Variants in PTAR1 observed in about 807,000 individuals in gnomAD.
PTAR1 encodes the protein protein prenyltransferase alpha subunit repeat-containing protein 1.
Under a neutral mutation model 45.5 loss-of-function variants are expected in PTAR1, and 17 were observed. The ratio of observed to expected loss-of-function variants is 0.37; its 90% confidence interval spans 0.26 to 0.56. The LOEUF (loss-of-function observed/expected upper bound fraction) is 0.56, where lower values mean the gene tolerates loss of function less well. PTAR1 is among the 20% of genes least tolerant of loss of function. The pLI is 0.77. For missense variants in PTAR1, 391 were observed against 476.3 expected (o/e 0.82, Z 1.67); for synonymous variants, 169 against 171.3 (o/e 0.99, Z 0.11).
rs142092318 is a variant in PTAR1, at chr9:69,746,671, A to G, written c.256+4110T>C. Among the ~76,000 whole-genome samples the G allele has an allele frequency of 3.5e-3, 535 of 152,328 alleles. 3 individuals carry two copies. The highest frequency in any genetic ancestry group is 0.012 in the African/African-American group (506 of 41,560). ...GTTCCTTTGTTACACACACTACAAT[A>G]TATGACTAACCCATCATCACGCCAC... On this transcript the variant is annotated intron_variant, in intron 2 of 7. Coordinates refer to ENST00000340434, the MANE Select transcript of PTAR1 (RefSeq NM_001099666.2).
chr9:69,720,172 C>A (rs1824927800), intron 6 of PTAR1, among the ~76,000 whole-genome samples: 1 of 152,188 alleles, frequency 6.6e-6, no homozygotes, highest in Non-Finnish European at 1.5e-5. Flanking sequence ...GAAAGCTAGG[C>A]CTCTTGTGCC....
chr9:69,720,419 AAG>A (rs1400319200), intron 6 of PTAR1, among the ~76,000 whole-genome samples: 2 of 152,202 alleles, frequency 1.3e-5, no homozygotes, highest in Non-Finnish European at 2.9e-5. Flanking sequence ...GTTGGAGAAA[AAG>A]AGTTTGGAGT....
intron 4 of PTAR1, 77 bp from the exon 5 acceptor site, chr9:69,732,429 C>T: frequency 9.5e-7 from 1 of 1,049,042 alleles, no homozygotes; most frequent in Non-Finnish European, 1.4e-6. Context: ...TTTCATTGTT[C>T]CTAATTTAAT....
chr9:69,750,683 C>T, intron 2 of PTAR1, 98 bp downstream of exon 2: 1 of 874,010 alleles, frequency 1.1e-6, no homozygotes, highest in Non-Finnish European at 1.7e-6. Flanking sequence ...AGAAGCAGAA[C>T]TAGAATCCAG....
At position 69,712,097 on chromosome 9, in the gene PTAR1, T is replaced by C. The variant is rs1824546642; in HGVS notation, c.*6245A>G. 1 of 152,158 alleles carries C rather than the reference T, an allele frequency of 6.6e-6. No individual in the cohort carries two copies. The highest frequency in any genetic ancestry group is 1.5e-5 in the Non-Finnish European group (1 of 68,018). The allele number at this position is 152,158 out of a possible 1,614,324, so 9.4% of individuals were successfully genotyped here. A position where few individuals can be genotyped will look rare whatever the true frequency, so the allele number is the denominator to read the frequency against. On this transcript the variant is annotated 3_prime_UTR_variant, in exon 8 of 8. Transcript: ENST00000340434. Reference sequence around the variant, plus strand: ...TTGAATCAATATCTGCCATATGAAATTATATGACAAGTAAACCTCAAATTT... The same window carrying C: ...TTGAATCAATATCTGCCATATGAAACTATATGACAAGTAAACCTCAAATTT...
rs181398519 is a variant in PTAR1, at chr9:69,749,808, C to A, written c.256+973G>T. ...AAAGAGATTATCACTCAACTGTAAG[C>A]TTCCTGAATAAAGGGACCATGTATT... On this transcript the variant is annotated intron_variant, in intron 2 of 7. Transcript: ENST00000340434. Among the ~76,000 whole-genome samples the A allele has an allele frequency of 8.4e-4, 128 of 152,212 alleles. 1 individual carries two copies. Among genetic ancestry groups the A allele is most frequent in the Middle Eastern group, 3.4e-3 (1 of 294 alleles).
intron 6 of PTAR1, among the ~76,000 whole-genome samples, chr9:69,721,193 C>T (rs540295999): frequency 6.6e-6 from 1 of 152,080 alleles, no homozygotes; most frequent in Non-Finnish European, 1.5e-5. Context: ...AAAATATCAA[C>T]ATGAACAAAA....
intron 2 of PTAR1, among the ~76,000 whole-genome samples, chr9:69,742,707 A>G (rs17084993): frequency 0.016 from 2,509 of 152,198 alleles, 70 homozygotes; most frequent in African/African-American, 0.056. Context: ...ACATGAGTGT[A>G]CTTATGTCCC....
Position 69,716,893 on chromosome 9 carries a change from TACAAAAATGACAC to T in PTAR1, c.*1436_*1448del, listed in dbSNP as rs1400244717. On this transcript the variant is annotated 3_prime_UTR_variant, in exon 8 of 8. Transcript: ENST00000340434. ...CCCCTGAAGTAAGAAAGGAAAGGTA[TACAAAAATGACAC>T]ACAAAAGTGACAAAAAATACGTAAT... 2.0e-5 allele frequency: 3 copies of T among 152,004 alleles called. No individual in the cohort carries two copies. The highest frequency in any genetic ancestry group is 4.8e-5 in the African/African-American group (2 of 41,394). 9.4% of individuals were successfully genotyped at this position (152,004 alleles called of 1,614,324 possible).
rs757025704 is a variant in PTAR1, at chr9:69,723,541, A to C, written c.732T>G (p.Leu244=). 1 of 1,613,746 alleles carries C rather than the reference A, an allele frequency of 6.2e-7. No homozygotes were observed. ...HSGFHYRQFL[L]KSLISQTVID... The stretch of plus-strand genomic sequence containing the variant: ...TCACAGTTTGGCTAATCAAAGACTT[A>C]AGCAAAAACTGGCGGTAGTGAAATC... Residue 244 remains leucine (L), a synonymous_variant, in exon 6 of 8, where the codon CTT becomes CTG. Coordinates refer to ENST00000340434, the MANE Select transcript of PTAR1 (RefSeq NM_001099666.2).
chr9:69,729,896 T>G (rs2134102092), intron 5 of PTAR1, among the ~76,000 whole-genome samples: 1 of 152,342 alleles, frequency 6.6e-6, no homozygotes. Context: ...TCAGTAAGCT[T>G]ATAACAATTT....
At chr9:69,744,075 G>C (rs191424737) in intron 2 of PTAR1, among the ~76,000 whole-genome samples, 99 of 152,264 alleles carry the variant, frequency 6.5e-4, no homozygotes, top group African/African-American at 2.4e-3. Flanking sequence ...ATGGATACCA[G>C]AGCATGACTA....
chr9:69,732,895 G>A (rs73444509), intron 4 of PTAR1, among the ~76,000 whole-genome samples: 6,672 of 152,150 alleles, frequency 0.044, 500 homozygotes, highest in African/African-American at 0.15. Context: ...TTAAGAAGGT[G>A]TCAAAATATC....
intron 1 of PTAR1, among the ~76,000 whole-genome samples, chr9:69,754,477 A>T (rs577911055): frequency 6.6e-6 from 1 of 151,050 alleles, no homozygotes; most frequent in Non-Finnish European, 1.5e-5. Context: ...AACAAAAAAA[A>T]CCCTAAAAGT....
rs967554164 is a variant in PTAR1, at chr9:69,716,541, G to A, written c.*1801C>T. 5.3e-5 allele frequency: 8 copies of A among 152,112 alleles called. No individual in the cohort carries two copies. The highest frequency in any genetic ancestry group is 1.3e-4 in the Admixed American group (2 of 15,258). 9.4% of individuals were successfully genotyped at this position (152,112 alleles called of 1,614,324 possible). A position where few individuals can be genotyped will look rare whatever the true frequency, so the allele number is the denominator to read the frequency against. On this transcript the variant is annotated 3_prime_UTR_variant, in exon 8 of 8. Transcript: ENST00000340434. ...CACTCAACAAAACCATGATGCCAAA[G>A]AAAAGGACATATTTCTTCTTCTTTA...
chr9:69,744,543 G>A (rs1826185946), intron 2 of PTAR1, among the ~76,000 whole-genome samples: 2 of 151,914 alleles, frequency 1.3e-5, no homozygotes, highest in African/African-American at 4.8e-5. Context: ...GTGCTACCAT[G>A]CCCAGATAAT....
At chr9:69,745,003 G>A (rs1826214096) in intron 2 of PTAR1, among the ~76,000 whole-genome samples, 1 of 152,056 alleles carries the variant, frequency 6.6e-6, no homozygotes, top group Non-Finnish European at 1.5e-5. Flanking sequence ...TAACCTCTTG[G>A]AACCTCAGTG....
At chr9:69,723,061 T>C (rs918706263) in intron 6 of PTAR1, among the ~76,000 whole-genome samples, 3 of 151,920 alleles carry the variant, frequency 2.0e-5, no homozygotes, top group African/African-American at 4.8e-5. Context: ...CTAACACAGG[T>C]TATTCTGTTG....
chr9:69,722,087 G>A (rs1731469390), intron 6 of PTAR1, among the ~76,000 whole-genome samples: 1 of 152,128 alleles, frequency 6.6e-6, no homozygotes, highest in Non-Finnish European at 1.5e-5. Flanking sequence ...CCAAAGAGGG[G>A]AGATAATCTT....
Sources: gnomAD v4.1 joint callset for allele counts (sites outside exome capture counted in the v4.1 genomes callset) on GRCh38, gnomAD v4.1.1 for gene constraint, MANE v1.5 for transcripts, NCBI Gene and HGNC (gene_info 2026-07-23, HGNC 2026-07-21) for gene names.